ARHGAP22: variants seen among roughly 807,000 people sequenced by gnomAD.
ARHGAP22 encodes Rho GTPase activating protein 22.
ARHGAP22 carries 48 observed loss-of-function variants against 59.1 expected under a neutral mutation model. The observed-to-expected ratio is 0.81, with a 90% CI of 0.64 to 1.03. The LOEUF (loss-of-function observed/expected upper bound fraction) is 1.03. Among genes scored for constraint, ARHGAP22 ranks in the 50% least tolerant of loss-of-function variants. ARHGAP22 has a pLI of 0.00. For synonymous variants in ARHGAP22, 445 were observed against 416.4 expected (o/e 1.07, Z -0.84); for missense variants, 1,015 against 958.7 (o/e 1.06, Z -0.78).
chr10:48,520,772 G>C lies in ARHGAP22; in HGVS notation c.322+34691C>G, dbSNP rs546108273. Reference sequence around the variant, plus strand: ...GGCAAGGAAGAGCTGCTGCTGCTGAGAGCAGCAGGAAGGGTGAGGGGCGAA... The same window carrying C: ...GGCAAGGAAGAGCTGCTGCTGCTGACAGCAGCAGGAAGGGTGAGGGGCGAA... On this transcript the variant is annotated intron_variant, in intron 3 of 9. Transcript: ENST00000249601. Among the ~76,000 whole-genome samples, 258 of 152,222 alleles carry C rather than the reference G, an allele frequency of 1.7e-3. 2 individuals carry two copies. The highest frequency in any genetic ancestry group is 5.9e-3 in the African/African-American group (247 of 41,550).
chr10:48,611,408 T>A (rs1000292156), intron 1 of ARHGAP22, among the ~76,000 whole-genome samples: 16 of 152,060 alleles, frequency 1.1e-4, no homozygotes, highest in Non-Finnish European at 1.6e-4. Flanking sequence ...GCTGCCCCCC[T>A]TCCTAGAAAA....
intron 3 of ARHGAP22, among the ~76,000 whole-genome samples, chr10:48,488,164 C>G (rs1254802927): frequency 6.6e-6 from 1 of 152,222 alleles, no homozygotes; most frequent in Non-Finnish European, 1.5e-5. Flanking sequence ...TCTAATCTGC[C>G]ATTAACCCCA....
At chr10:48,549,252 G>GTAGTAGCTTCCCTTCAAA (rs2056709015) in intron 3 of ARHGAP22, among the ~76,000 whole-genome samples, 1 of 152,190 alleles carries the variant, frequency 6.6e-6, no homozygotes, top group South Asian at 2.1e-4. Flanking sequence ...CTATTGAGAT[G>GTAGTAGCTTCCCTTCAAA]GAGGGAAGGG....
rs1031805683 is a variant in ARHGAP22 at position 48,563,254 on chromosome 10, C to T, written c.235-7704G>A. On this transcript the variant is annotated intron_variant, in intron 2 of 9. Coordinates refer to ENST00000249601, the MANE Select transcript of ARHGAP22 (RefSeq NM_021226.4). ...TGTGCCCCAGGCTGGAGTGCAGTGG[C>T]GCAATCTTGGCTCACTACAAGCTCC... Among the ~76,000 whole-genome samples, 10 of 133,948 alleles carry T rather than the reference C, an allele frequency of 7.5e-5. 1 individual carries two copies. The highest frequency in any genetic ancestry group is 2.0e-4 in the African/African-American group (7 of 35,464). The allele number at this position is 133,948 out of a possible 152,430, so 87.9% of individuals were successfully genotyped here.
intron 2 of ARHGAP22, among the ~76,000 whole-genome samples, chr10:48,560,655 C>T (rs2057628802): frequency 6.6e-6 from 1 of 152,072 alleles, no homozygotes; most frequent in African/African-American, 2.4e-5. Flanking sequence ...GATGGCTTTT[C>T]ACAGGTTTAA....
chr10:48,637,174 AT>A, intron 1 of ARHGAP22, among the ~76,000 whole-genome samples: 1 of 152,262 alleles, frequency 6.6e-6, no homozygotes, highest in East Asian at 1.9e-4. Flanking sequence ...GGGCATCCAT[AT>A]TTCTGAAGCT....
upstream of ARHGAP22, among the ~76,000 whole-genome samples, chr10:48,609,075 G>A (rs542008403): frequency 9.9e-5 from 15 of 152,220 alleles, no homozygotes; most frequent in South Asian, 3.1e-3. Context: ...ACTAGCAAAT[G>A]CAGTAAATCA....
At chr10:48,550,610 CA>C (rs1342286210) in intron 3 of ARHGAP22, among the ~76,000 whole-genome samples, 1 of 152,236 alleles carries the variant, frequency 6.6e-6, no homozygotes, top group Non-Finnish European at 1.5e-5. Flanking sequence ...CCACAGGTTT[CA>C]GATGGCGAAA....
chr10:48,535,574 G>A (rs1350229309), intron 3 of ARHGAP22, among the ~76,000 whole-genome samples: 1 of 152,178 alleles, frequency 6.6e-6, no homozygotes, highest in Non-Finnish European at 1.5e-5. Flanking sequence ...CTTACTGCAG[G>A]GAGGATGGGA....
At chr10:48,437,724 G>A in the ARHGAP22 span, 20 of 152,284 alleles carry the variant, frequency 1.3e-4, no homozygotes, top group South Asian at 6.2e-4. Flanking sequence ...TGTTCCTGAC[G>A]TGCACTCTTC....
In ARHGAP22 at chr10:48,450,982, G is replaced by C. The variant is rs1462170945; in HGVS notation, c.1147C>G (p.Pro383Ala). The C allele has an allele frequency of 6.4e-7, 1 of 1,561,690 alleles. No individual in the cohort carries two copies. Among genetic ancestry groups the C allele is most frequent in the Non-Finnish European group, 8.7e-7 (1 of 1,153,602 alleles). ...EEVTRDSQGEPGGPGLPAHRT... is the reference protein window; with the variant it reads ...EEVTRDSQGEAGGPGLPAHRT... ...TGCGCGGGCAGGCCGGGGCCGCCGG[G>C]CTCTCCTTGGCTGTCCCTGGTGACC... Residue 383 changes from proline (P) to alanine (A), a missense_variant, in exon 9 of 10, where the codon CCC becomes GCC. Coordinates refer to ENST00000249601, the MANE Select transcript of ARHGAP22 (RefSeq NM_021226.4).
chr10:48,521,364 C>CT (rs2053792640), intron 3 of ARHGAP22, among the ~76,000 whole-genome samples: 1 of 152,180 alleles, frequency 6.6e-6, no homozygotes, highest in Non-Finnish European at 1.5e-5. Context: ...GTTTTAAAGG[C>CT]GTGATGATGA....
intron 1 of ARHGAP22, among the ~76,000 whole-genome samples, chr10:48,632,741 T>C (rs550336367): frequency 3.7e-4 from 57 of 152,302 alleles, no homozygotes; most frequent in Non-Finnish European, 7.6e-4. Context: ...TGGGGGGTGT[T>C]CCCAAAACCA....
chr10:48,562,918 T>C (rs1297743956), intron 2 of ARHGAP22, among the ~76,000 whole-genome samples: 1 of 152,222 alleles, frequency 6.6e-6, no homozygotes, highest in African/African-American at 2.4e-5. Context: ...CAAAAATTTA[T>C]TTTCTTACAG....
intron 1 of ARHGAP22, among the ~76,000 whole-genome samples, chr10:48,589,936 C>T (rs1166801424): frequency 1.3e-5 from 2 of 152,158 alleles, no homozygotes; most frequent in African/African-American, 4.8e-5. Context: ...AATCGCTACC[C>T]TTCCACAGCA....
intron 4 of ARHGAP22, among the ~76,000 whole-genome samples, chr10:48,460,898 T>G (rs991748917): frequency 1.3e-5 from 2 of 152,220 alleles, no homozygotes; most frequent in African/African-American, 4.8e-5. Flanking sequence ...ACAAATACTG[T>G]GTTATTCCCC....
intron 1 of ARHGAP22, among the ~76,000 whole-genome samples, chr10:48,645,859 A>G (rs2062272278): frequency 6.6e-6 from 1 of 152,190 alleles, no homozygotes; most frequent in South Asian, 2.1e-4. Context: ...AAGGAGGGGA[A>G]GAGAGGCAGA....
intron 1 of ARHGAP22, chr10:48,625,059 A>G (rs1018994321): frequency 1.3e-5 from 2 of 152,176 alleles, no homozygotes; most frequent in African/African-American, 4.8e-5. Flanking sequence ...GGGGCCCAAG[A>G]GACCTGAGTG....
At chr10:48,541,844 G>T (rs1299180843) in intron 3 of ARHGAP22, among the ~76,000 whole-genome samples, 1 of 152,226 alleles carries the variant, frequency 6.6e-6, no homozygotes, top group African/African-American at 2.4e-5. Flanking sequence ...CAAGGATGAA[G>T]GTGCAGGCCA....
Sources: gnomAD v4.1 joint callset for allele counts (sites outside exome capture counted in the v4.1 genomes callset) on GRCh38, gnomAD v4.1.1 for gene constraint, MANE v1.5 for transcripts, NCBI Gene and HGNC (gene_info 2026-07-23, HGNC 2026-07-21) for gene names.